The following SBF2 variants were observed in gnomAD, a reference collection of about 807,000 sequenced individuals.
The protein encoded by SBF2 is SET binding factor 2, also known as myotubularin-related protein 13.
In SBF2, 112 loss-of-function variants were observed where a neutral mutation model predicts 225.2. The observed-to-expected ratio is 0.50, with a 90% CI of 0.43 to 0.58. The LOEUF (loss-of-function observed/expected upper bound fraction) is 0.58. SBF2 is among the 20% of genes least tolerant of loss of function. The probability of loss-of-function intolerance (pLI) is 0.00; values close to 1 mark genes in which losing one functional copy is unlikely to be tolerated. For missense variants in SBF2, 1,996 were observed against 2,206.2 expected (o/e 0.90, Z 1.91); for synonymous variants, 763 against 773.3 (o/e 0.99, Z 0.22).
At chr11:9,861,860 A>G (rs779582061) in intron 17 of SBF2, among the ~76,000 whole-genome samples, 7 of 152,248 alleles carry the variant, frequency 4.6e-5, no homozygotes, top group Admixed American at 3.9e-4. Context: ...GCACAAACTA[A>G]AAGTTGAATA....
chr11:10,130,190 A>C (rs1953969640), intron 2 of SBF2, among the ~76,000 whole-genome samples: 1 of 151,928 alleles, frequency 6.6e-6, no homozygotes, highest in Admixed American at 6.6e-5. Flanking sequence ...GTGAAACCCC[A>C]TCTCTACTAA....
At chr11:10,010,044 C>T (rs2134548851) in intron 6 of SBF2, among the ~76,000 whole-genome samples, 1 of 152,152 alleles carries the variant, frequency 6.6e-6, no homozygotes, top group African/African-American at 2.4e-5. Flanking sequence ...CACATAAATG[C>T]CTTCCTTTGA....
intron 16 of SBF2, among the ~76,000 whole-genome samples, chr11:9,927,222 C>A (rs1864123905): frequency 6.6e-6 from 1 of 152,130 alleles, no homozygotes; most frequent in African/African-American, 2.4e-5. Context: ...ATTACATCTA[C>A]AAAATAATTG....
At chr11:10,119,020 C>T (rs1953306637) in intron 2 of SBF2, among the ~76,000 whole-genome samples, 1 of 151,708 alleles carries the variant, frequency 6.6e-6, no homozygotes, top group South Asian at 2.1e-4. Flanking sequence ...ATCTGCTGTT[C>T]CAAGTTCATA....
intron 18 of SBF2, among the ~76,000 whole-genome samples, 163 bp downstream of exon 18, chr11:9,858,063 A>G (rs1857446239): frequency 6.6e-6 from 1 of 152,228 alleles, no homozygotes; most frequent in South Asian, 2.1e-4. Context: ...GGAAAAACAT[A>G]ATGTCTGAAA....
At chr11:10,069,668 T>C (rs1451523868) in intron 2 of SBF2, among the ~76,000 whole-genome samples, 2 of 152,344 alleles carry the variant, frequency 1.3e-5, no homozygotes, top group East Asian at 1.9e-4. Context: ...CCTTTGGGTA[T>C]ATACCCAGTA....
intron 16 of SBF2, among the ~76,000 whole-genome samples, chr11:9,904,078 G>C (rs1051656657): frequency 6.6e-6 from 1 of 151,936 alleles, no homozygotes; most frequent in African/African-American, 2.4e-5. Flanking sequence ...CTCCTGCCCC[G>C]CTCATGCCTG....
intron 1 of SBF2, among the ~76,000 whole-genome samples, chr11:10,196,417 T>C (rs1351990101): frequency 1.3e-5 from 2 of 152,168 alleles, no homozygotes; most frequent in Non-Finnish European, 2.9e-5. Flanking sequence ...TCTCACTCTG[T>C]TGCCCAGACT....
chr11:10,023,579 A>G (rs778767900), intron 6 of SBF2, among the ~76,000 whole-genome samples: 1 of 152,106 alleles, frequency 6.6e-6, no homozygotes, highest in Non-Finnish European at 1.5e-5. Flanking sequence ...TTTTGCCCCT[A>G]TGTGTTTGCC....
At chr11:9,960,416 G>A (rs908951348) in intron 16 of SBF2, 2 of 151,950 alleles carry the variant, frequency 1.3e-5, no homozygotes, top group African/African-American at 2.4e-5. Flanking sequence ...TCATATTTAA[G>A]TCTTTAATAC....
chr11:10,179,211 G>A (rs1956615619), intron 2 of SBF2, among the ~76,000 whole-genome samples: 2 of 151,354 alleles, frequency 1.3e-5, no homozygotes, highest in Admixed American at 1.3e-4. Context: ...GGGGGAGGCG[G>A]GAGGGATAGC....
At chr11:10,266,814 C>A (rs1056799463) in intron 1 of SBF2, among the ~76,000 whole-genome samples, 1 of 152,186 alleles carries the variant, frequency 6.6e-6, no homozygotes, top group Non-Finnish European at 1.5e-5. Flanking sequence ...AGGGTCCGGG[C>A]GTGGTTGCTC....
intron 2 of SBF2, among the ~76,000 whole-genome samples, chr11:10,148,500 A>T (rs1011672214): frequency 6.7e-6 from 1 of 149,826 alleles, no homozygotes; most frequent in Non-Finnish European, 1.5e-5. Context: ...CTAAATACCT[A>T]TTTTTTTTTT....
chr11:10,201,304 A>T (rs1957561326), intron 1 of SBF2, among the ~76,000 whole-genome samples: 2 of 152,210 alleles, frequency 1.3e-5, no homozygotes, highest in Non-Finnish European at 1.5e-5. Context: ...TGATTTTTTT[A>T]AAATGTTATT....
At chr11:9,852,651 C>T (rs1211858355) in intron 21 of SBF2, 25 bp downstream of exon 21, 2 of 1,567,712 alleles carry the variant, frequency 1.3e-6, no homozygotes, top group African/African-American at 2.7e-5. Flanking sequence ...AGGCTATACC[C>T]TGAAAGCATG....
At chr11:10,208,551 C>T (rs1444237949) in intron 1 of SBF2, among the ~76,000 whole-genome samples, 2 of 151,444 alleles carry the variant, frequency 1.3e-5, no homozygotes, top group Admixed American at 6.6e-5. Context: ...GTGAAGGAGG[C>T]GGTGAAGACG....
intron 1 of SBF2, among the ~76,000 whole-genome samples, chr11:10,299,723 G>A (rs538617203): frequency 1.5e-4 from 23 of 150,256 alleles, no homozygotes; most frequent in African/African-American, 5.6e-4. Context: ...TGGGGAGGGG[G>A]TATAATAAAT....
chr11:10,038,066 C>T (rs1299411436), intron 3 of SBF2, among the ~76,000 whole-genome samples: 5 of 151,954 alleles, frequency 3.3e-5, no homozygotes, highest in Non-Finnish European at 7.4e-5. Context: ...ATCTCCTATA[C>T]ACAATAGGGT....
intron 38 of SBF2, among the ~76,000 whole-genome samples, chr11:9,782,793 C>T (rs1170164611): frequency 6.6e-6 from 1 of 151,746 alleles, no homozygotes; most frequent in Non-Finnish European, 1.5e-5. Flanking sequence ...TGGCGAGAAC[C>T]CAGGAGGTGG....
Sources: gnomAD v4.1 joint callset for allele counts (sites outside exome capture counted in the v4.1 genomes callset) on GRCh38, gnomAD v4.1.1 for gene constraint, MANE v1.5 for transcripts, NCBI Gene and HGNC (gene_info 2026-07-23, HGNC 2026-07-21) for gene names.